Variants in TCN1 observed in about 807,000 individuals in gnomAD.
The protein encoded by TCN1 is transcobalamin-1.
TCN1 carries 47 observed loss-of-function variants against 46.3 expected under a neutral mutation model. That is an observed-to-expected ratio of 1.01 (90% CI 0.80 to 1.29). The LOEUF is 1.29. Among genes scored for constraint, TCN1 ranks in the 50% most tolerant of loss-of-function variants. The pLI is 0.00. For synonymous variants in TCN1, 183 were observed against 192.5 expected, an observed-to-expected ratio of 0.95 and a Z score of 0.41; for missense variants, 532 against 511.0, an observed-to-expected ratio of 1.04 and a Z score of -0.40.
Position 59,855,958 on chromosome 11 carries a change from T to C in TCN1, c.848A>G (p.Asn283Ser). ...TAAGACCTGGGCTGCAGCGTTTGGATTGCTGAATGCTCCTTGAGAAATTTC... is the reference window on the plus strand; with the variant it reads ...TAAGACCTGGGCTGCAGCGTTTGGACTGCTGAATGCTCCTTGAGAAATTTC... ...LTEISQGAFS[N>S]PNAAAQVLPA... The change falls in exon 6 of 9, where the codon AAT (asparagine) becomes AGT (serine). Residue 283 changes from asparagine to serine, a missense_variant. By Grantham distance (46) the Asn-to-Ser change is conservative. Transcript: ENST00000257264. The C allele has an allele frequency of 1.2e-6, 2 of 1,613,874 alleles. No homozygotes were observed. The highest frequency in any genetic ancestry group is 2.2e-5 in the East Asian group (1 of 44,874).
rs994128435 is a variant in TCN1 at position 59,859,124 on chromosome 11, C to T, written c.700G>A (p.Glu234Lys). Residue 234 changes from glutamate to lysine, a missense_variant, in exon 5 of 9, where the codon GAA (glutamate) becomes AAA (lysine). By Grantham distance (56) the Glu-to-Lys change is moderately conservative. Coordinates refer to ENST00000257264, the MANE Select transcript of TCN1 (RefSeq NM_001062.4). Reference protein sequence around the residue: ...LVEKILSEKKENGLIGNTFST... With the variant: ...LVEKILSEKKKNGLIGNTFST... ...AATGTGTTTCCAATGAGACCATTTT[C>T]TTTTTTCTCAGACAGAATCTTTTCT... 6.2e-7 allele frequency: 1 copy of T among 1,613,910 alleles called. No homozygotes were observed. The highest frequency in any genetic ancestry group is 8.5e-7 in the Non-Finnish European group (1 of 1,180,008).
In TCN1 at chr11:59,864,071, T is replaced by G; in HGVS notation, c.95A>C (p.Asn32Thr). 6.2e-7 allele frequency: 1 copy of G among 1,613,804 alleles called. No individual in the cohort carries two copies. Among genetic ancestry groups the G allele is most frequent in the Non-Finnish European group, 8.5e-7 (1 of 1,179,732 alleles). Residue 32 changes from asparagine (N) to threonine (T), a missense_variant, in exon 2 of 9, where the codon AAC becomes ACC. By Grantham distance (65) the Asn-to-Thr change is moderately conservative (BLOSUM62 0). Transcript: ENST00000257264. ...LCEICEVSEE[N>T]YIRLKPLLNT... Reference sequence around the variant, plus strand: ...CAACAGAGGTTTTAGGCGGATGTAGTTTTCTTCACTTACCTCTGTGGCAGA... The same window carrying G: ...CAACAGAGGTTTTAGGCGGATGTAGGTTTCTTCACTTACCTCTGTGGCAGA...
intron 5 of TCN1, among the ~76,000 whole-genome samples, chr11:59,858,355 A>G (rs1270259681): frequency 6.6e-6 from 1 of 152,200 alleles, no homozygotes; most frequent in Non-Finnish European, 1.5e-5. Flanking sequence ...GAAATTTTCC[A>G]TTTAATATTT....
Position 59,861,579 on chromosome 11 carries a change from GT to G in TCN1, c.503del (p.Asn168ThrfsTer18). ...AGTTTTTATTTTCAGGAGTGAAGTGGTTGACAACTTCGGCGGTTGAGTAGTT... is the reference window on the plus strand; with the variant it reads ...AGTTTTTATTTTCAGGAGTGAAGTGGTGACAACTTCGGCGGTTGAGTAGTT... ...NGNYSTAEVV[N>X]HFTPENKNYY... On this transcript the variant is annotated frameshift_variant, in exon 4 of 9. Coordinates refer to ENST00000257264, the MANE Select transcript of TCN1 (RefSeq NM_001062.4). LOFTEE classifies it high-confidence loss of function. 1 of 1,614,148 alleles carries G rather than the reference GT, an allele frequency of 6.2e-7. No individual in the cohort carries two copies. The highest frequency in any genetic ancestry group is 8.5e-7 in the Non-Finnish European group (1 of 1,179,996).
chr11:59,858,958 G>C, intron 5 of TCN1, 119 bp downstream of exon 5: 1 of 1,165,162 alleles, frequency 8.6e-7, no homozygotes, highest in Admixed American at 1.8e-5. Context: ...AGCTGAGCTC[G>C]CACCATTGCA....
Position 59,859,088 on chromosome 11 carries a change from C to A in TCN1, c.736G>T (p.Glu246Ter). ...ACCCTCTGACTTACCTGCATGGCTT[C>A]TCCTGTGCTAAATGTGTTTCCAATG... Reference protein sequence around the residue: ...GLIGNTFSTGEAMQALFVSSD... With the variant: ...GLIGNTFSTG The change falls in exon 5 of 9, where the codon GAA becomes TAA. Residue 246 changes from glutamate (E) to a stop codon, truncating the protein, a stop_gained. Transcript: ENST00000257264. LOFTEE classifies it high-confidence loss of function. The A allele has an allele frequency of 1.2e-6, 2 of 1,613,278 alleles. No individual in the cohort carries two copies. Among genetic ancestry groups the A allele is most frequent in the Non-Finnish European group, 1.7e-6 (2 of 1,180,012 alleles).
At chr11:59,860,659 A>G (rs1048695155) in intron 4 of TCN1, among the ~76,000 whole-genome samples, 1 of 152,198 alleles carries the variant, frequency 6.6e-6, no homozygotes, top group African/African-American at 2.4e-5. Flanking sequence ...CAAGGGTTTC[A>G]TTAGACTGAT....
chr11:59,861,390 A>G (rs1226785470), intron 4 of TCN1, 137 bp downstream of exon 4: 3 of 960,120 alleles, frequency 3.1e-6, no homozygotes, highest in East Asian at 4.9e-5. Context: ...TCTCAAAAAG[A>G]AAATTCCCTT....
Position 59,859,058 on chromosome 11 carries a change from G to C in TCN1, c.747+19C>G, listed in dbSNP as rs201304932. 1 of 1,609,558 alleles carries C rather than the reference G, an allele frequency of 6.2e-7. No homozygotes were observed. The highest frequency in any genetic ancestry group is 8.5e-7 in the Non-Finnish European group (1 of 1,178,986). On this transcript the variant is annotated intron_variant, in intron 5 of 8. Transcript: ENST00000257264. ...GAGAAGACTCCCTTCTCTGCCTCCTGTTTCACCCTCTGACTTACCTGCATG... is the reference window on the plus strand; with the variant it reads ...GAGAAGACTCCCTTCTCTGCCTCCTCTTTCACCCTCTGACTTACCTGCATG...
intron 5 of TCN1, 86 bp downstream of exon 5, chr11:59,858,991 C>T (rs1008813442): frequency 9.5e-6 from 14 of 1,469,318 alleles, no homozygotes; most frequent in Middle Eastern, 3.4e-4. Flanking sequence ...GCAACAAGAG[C>T]GAAGCTCCAT....
Position 59,856,078 on chromosome 11 carries a change from T to TGGGGGGGGGGGGGG in TCN1, c.748-21_748-20insCCCCCCCCCCCCCC. ...GAGGGCCTAATGAGGCAGGGTGGGGTGGGGGGGTGATGAGAGATAAAGAGA... is the reference window on the plus strand; with the variant it reads ...GAGGGCCTAATGAGGCAGGGTGGGGTGGGGGGGGGGGGGGGGGGGGGTGATGAGAGATAAAGAGA... On this transcript the variant is annotated intron_variant, in intron 5 of 8. Coordinates refer to ENST00000257264, the MANE Select transcript of TCN1 (RefSeq NM_001062.4). 3.1e-6 allele frequency: 1 copy of TGGGGGGGGGGGGGG among 323,566 alleles called. No individual in the cohort carries two copies. Among genetic ancestry groups the TGGGGGGGGGGGGGG allele is most frequent in the Non-Finnish European group, 5.6e-6 (1 of 178,456 alleles). 20.0% of individuals were successfully genotyped at this position (323,566 alleles called of 1,614,324 possible).
rs1287493413 is a variant in TCN1, at chr11:59,854,791, G to A, written c.982C>T (p.Pro328Ser). The A allele has an allele frequency of 6.2e-6, 10 of 1,613,934 alleles. No homozygotes were observed. The highest frequency in any genetic ancestry group is 8.5e-6 in the Non-Finnish European group (10 of 1,179,924). ...ACGGAGATATATGATTGTGAGTCAG[G>A]AGGTGTCACAGTTATAGGCTCATCA... Reference protein sequence around the residue: ...SADEPITVTPPDSQSYISVNY... With the variant: ...SADEPITVTPSDSQSYISVNY... The change falls in exon 7 of 9, where the codon CCT becomes TCT. Residue 328 changes from proline to serine, a missense_variant. Transcript: ENST00000257264.
At chr11:59,856,116 A>C in intron 5 of TCN1, 58 bp from the exon 6 acceptor site, 10 of 1,383,570 alleles carry the variant, frequency 7.2e-6, no homozygotes, top group East Asian at 2.3e-5. Context: ...CAGAGAGAGA[A>C]TATGAGACAC....
intron 3 of TCN1, 56 bp from the exon 4 acceptor site, chr11:59,861,738 T>C: frequency 6.4e-7 from 1 of 1,566,790 alleles, no homozygotes; most frequent in East Asian, 2.2e-5. Context: ...GGCGTATGCA[T>C]TTTCCATCTA....
chr11:59,859,085 C>T lies in TCN1; in HGVS notation c.739G>A (p.Ala247Thr). ...LIGNTFSTGE[A>T]MQALFVSSDY... Reference sequence around the variant, plus strand: ...TTCACCCTCTGACTTACCTGCATGGCTTCTCCTGTGCTAAATGTGTTTCCA... The same window carrying T: ...TTCACCCTCTGACTTACCTGCATGGTTTCTCCTGTGCTAAATGTGTTTCCA... The change falls in exon 5 of 9, where the codon GCC (alanine) becomes ACC (threonine). Residue 247 changes from alanine (A) to threonine (T), a missense_variant. Coordinates refer to ENST00000257264, the MANE Select transcript of TCN1 (RefSeq NM_001062.4). The T allele has an allele frequency of 6.2e-7, 1 of 1,613,196 alleles. No individual in the cohort carries two copies. The highest frequency in any genetic ancestry group is 8.5e-7 in the Non-Finnish European group (1 of 1,179,988).
At position 59,855,908 on chromosome 11, in the gene TCN1, A is replaced by G. The variant is rs141808492; in HGVS notation, c.898T>C (p.Leu300=). The part of the protein sequence containing the change: ...VLPALMGKTF[L]DINKDSSCVS... Reference sequence around the variant, plus strand: ...CAAGAAGAGTCTTTGTTAATATCCAAGAAGGTCTTTCCCATCAGGGCAGGT... The same window carrying G: ...CAAGAAGAGTCTTTGTTAATATCCAGGAAGGTCTTTCCCATCAGGGCAGGT... The change falls in exon 6 of 9, where the codon TTG becomes CTG. Residue 300 remains leucine, a synonymous_variant. Coordinates refer to ENST00000257264, the MANE Select transcript of TCN1 (RefSeq NM_001062.4). 1 of 1,613,912 alleles carries G rather than the reference A, an allele frequency of 6.2e-7. No homozygotes were observed. The highest frequency in any genetic ancestry group is 8.5e-7 in the Non-Finnish European group (1 of 1,179,814).
rs746305120 is a variant in TCN1, at chr11:59,853,032, A to G, written c.1245T>C (p.Ala415=). Residue 415 remains alanine (A), a synonymous_variant, in exon 9 of 9, where the codon GCT becomes GCC. Coordinates refer to ENST00000257264, the MANE Select transcript of TCN1 (RefSeq NM_001062.4). ...CTCCATTGCGGACAACGTAACTACC[A>G]GCTCCTGAAAAGGAAGAAGAAAGAG... ...LSGGEPLSQG[A]GSYVVRNGEN... 1.9e-6 allele frequency: 3 copies of G among 1,614,204 alleles called. No homozygotes were observed. The East Asian group carries it at 6.7e-5, about 36-fold the overall frequency.
At chr11:59,859,556 T>TAAG (rs1437042156) in intron 4 of TCN1, among the ~76,000 whole-genome samples, 1 of 152,176 alleles carries the variant, frequency 6.6e-6, no homozygotes, top group Non-Finnish European at 1.5e-5. Context: ...TAAGGTTACT[T>TAAG]AAGGGAGATG....
intron 4 of TCN1, 63 bp downstream of exon 4, chr11:59,861,464 A>G: frequency 6.3e-7 from 1 of 1,575,866 alleles, no homozygotes. Context: ...AGAAAAACTC[A>G]AAGAGCAAGA....
Sources: gnomAD v4.1 joint callset for allele counts (sites outside exome capture counted in the v4.1 genomes callset) on GRCh38, gnomAD v4.1.1 for gene constraint, MANE v1.5 for transcripts, NCBI Gene and HGNC (gene_info 2026-07-23, HGNC 2026-07-21) for gene names.